ELL: variants seen among roughly 807,000 people sequenced by gnomAD.
ELL encodes the protein RNA polymerase II elongation factor ELL.
ELL carries 18 observed loss-of-function variants against 64.0 expected under a neutral mutation model. The ratio of observed to expected loss-of-function variants is 0.28; its 90% CI spans 0.19 to 0.42. The LOEUF is 0.42. Among genes scored for constraint, ELL ranks in the 10% least tolerant of loss-of-function variants. The probability of loss-of-function intolerance (pLI) is 1.00; values close to 1 mark genes in which losing one functional copy is unlikely to be tolerated. For missense variants in ELL, 797 were observed against 870.4 expected (o/e 0.92, Z 1.06); for synonymous variants, 399 against 376.2 (o/e 1.06, Z -0.70).
chr19:18,509,592 C>CGT (rs1975965271), intron 1 of ELL, among the ~76,000 whole-genome samples: 1 of 76,674 alleles, frequency 1.3e-5, no homozygotes, highest in South Asian at 4.0e-4. Context: ...TGCGCGCGCG[C>CGT]GCACATACAC....
chr19:18,451,006 G>A (rs1205089114), intron 7 of ELL, 31 bp from the exon 8 acceptor site: 14 of 1,498,966 alleles, frequency 9.3e-6, no homozygotes, highest in Middle Eastern at 1.8e-4. Context: ...TTTTAGAGGG[G>A]AGCACAGAGT....
chr19:18,451,119 C>A, intron 7 of ELL, 144 bp from the exon 8 acceptor site: 1 of 1,200,772 alleles, frequency 8.3e-7, no homozygotes, highest in Non-Finnish European at 1.1e-6. Context: ...CAAGTCAGGT[C>A]CCAGGTGCCG....
Position 18,458,274 on chromosome 19 carries a change from T to G in ELL, c.800A>C (p.Lys267Thr). 6.2e-7 allele frequency: 1 copy of G among 1,613,340 alleles called. No homozygotes were observed. Among genetic ancestry groups the G allele is most frequent in the Non-Finnish European group, 8.5e-7 (1 of 1,180,016 alleles). Residue 267 changes from lysine (K) to threonine (T), a missense_variant, in exon 6 of 12, where the codon AAG becomes ACG. By Grantham distance (78) the Lys-to-Thr change is moderately conservative. Coordinates refer to ENST00000262809, the MANE Select transcript of ELL (RefSeq NM_006532.4). Reference sequence around the variant, plus strand: ...GCCAGGCCAGTCCTTCTGCACATCCTTGTACATGCAGTCCTGCAGTGTACA... The same window carrying G: ...GCCAGGCCAGTCCTTCTGCACATCCGTGTACATGCAGTCCTGCAGTGTACA... ...GTCTLQDCMYKDVQKDWPGYS... is the reference protein window; with the variant it reads ...GTCTLQDCMYTDVQKDWPGYS...
chr19:18,461,807 G>T lies in ELL; in HGVS notation c.515C>A (p.Ala172Glu). Reference sequence around the variant, plus strand: ...GGTTGCCCGCTTCCGGGAGGGCACCGCGTCTGTTGCACCTGGGGCTGGTTT... The same window carrying T: ...GGTTGCCCGCTTCCGGGAGGGCACCTCGTCTGTTGCACCTGGGGCTGGTTT... ...FRKPAPGATDAVPSRKRATPI... is the reference protein window; with the variant it reads ...FRKPAPGATDEVPSRKRATPI... The change falls in exon 5 of 12, where the codon GCG becomes GAG. Residue 172 changes from alanine (A) to glutamate (E), a missense_variant. By Grantham distance (107) the Ala-to-Glu change is moderately radical (BLOSUM62 -1). Coordinates refer to ENST00000262809, the MANE Select transcript of ELL (RefSeq NM_006532.4). 1 of 1,614,024 alleles carries T rather than the reference G, an allele frequency of 6.2e-7. No individual in the cohort carries two copies. The highest frequency in any genetic ancestry group is 1.1e-5 in the South Asian group (1 of 91,084).
chr19:18,463,806 G>A (rs1025142597), intron 4 of ELL, among the ~76,000 whole-genome samples: 2 of 151,778 alleles, frequency 1.3e-5, no homozygotes, highest in Admixed American at 6.6e-5. Context: ...GTGAAACCCC[G>A]TCTCTATTAA....
rs1046169097 is a variant in ELL, at chr19:18,444,267, G to A, written c.*485C>T. Reference sequence around the variant, plus strand: ...TCAGAACGCAGCTGCACCTTTCGACGACCTCTGTAATACTGCAGGCAGGAC... The same window carrying A: ...TCAGAACGCAGCTGCACCTTTCGACAACCTCTGTAATACTGCAGGCAGGAC... On this transcript the variant is annotated 3_prime_UTR_variant, in exon 12 of 12. Coordinates refer to ENST00000262809, the MANE Select transcript of ELL (RefSeq NM_006532.4). The A allele has an allele frequency of 4.3e-6, 1 of 233,476 alleles. No individual in the cohort carries two copies. Among genetic ancestry groups the A allele is most frequent in the East Asian group, 6.1e-5 (1 of 16,450 alleles). The allele number at this position is 233,476 out of a possible 1,614,324, so 14.5% of individuals were successfully genotyped here. A position where few individuals can be genotyped will look rare whatever the true frequency, so the allele number is the denominator to read the frequency against.
chr19:18,471,578 G>A (rs368113612), intron 2 of ELL, among the ~76,000 whole-genome samples: 2 of 152,212 alleles, frequency 1.3e-5, no homozygotes, highest in South Asian at 4.1e-4. Context: ...TTAGGCAGGA[G>A]AATTACTTGA....
intron 1 of ELL, among the ~76,000 whole-genome samples, chr19:18,518,291 G>A (rs1163667005): frequency 6.7e-6 from 1 of 149,410 alleles, no homozygotes; most frequent in Non-Finnish European, 1.5e-5. Context: ...CTTGAGCCCC[G>A]GCGTTTGAAA....
chr19:18,478,708 G>A (rs563316863), intron 1 of ELL, among the ~76,000 whole-genome samples: 39 of 152,220 alleles, frequency 2.6e-4, no homozygotes, highest in Non-Finnish European at 3.8e-4. Context: ...GAGCTGTGCC[G>A]AGGCTGGTGC....
At chr19:18,465,742 T>C in intron 3 of ELL, 55 bp downstream of exon 3, 2 of 1,427,390 alleles carry the variant, frequency 1.4e-6, no homozygotes, top group Non-Finnish European at 1.8e-6. Context: ...GGGCCAGAGG[T>C]GGCAGGGTGA....
chr19:18,445,556 T>TG (rs1298781968), intron 10 of ELL, among the ~76,000 whole-genome samples: 19 of 8,468 alleles, frequency 2.2e-3, no homozygotes, highest in Middle Eastern at 0.05. Flanking sequence ...GGGGAGGGGG[T>TG]GGGGGGGTGC....
intron 1 of ELL, among the ~76,000 whole-genome samples, chr19:18,487,722 A>G (rs992459084): frequency 8.5e-5 from 13 of 152,252 alleles, no homozygotes; most frequent in Admixed American, 2.6e-4. Context: ...AGAATGAATC[A>G]GTCCCTTCAG....
intron 6 of ELL, among the ~76,000 whole-genome samples, chr19:18,453,149 C>A (rs1000684741): frequency 6.6e-6 from 1 of 152,208 alleles, no homozygotes; most frequent in Non-Finnish European, 1.5e-5. Flanking sequence ...TGGTGGGCAC[C>A]TGTAACCTCA....
intron 1 of ELL, among the ~76,000 whole-genome samples, chr19:18,499,198 C>A (rs1975728618): frequency 6.6e-6 from 1 of 152,146 alleles, no homozygotes; most frequent in African/African-American, 2.4e-5. Context: ...ACAGGAATGA[C>A]ACAAGGGCCA....
intron 1 of ELL, among the ~76,000 whole-genome samples, chr19:18,497,384 T>A (rs183569923): frequency 1.3e-5 from 2 of 151,764 alleles, no homozygotes; most frequent in Non-Finnish European, 2.9e-5. Context: ...AGGGGATGAG[T>A]AGGTAGAGCT....
Position 18,446,396 on chromosome 19 carries a change from C to T in ELL, c.1617G>A (p.Leu539=). ...GCGTGATGCGCTCAATGCGGGCGTG[C>T]AGGTCGCGGTACTCGCTGTACTCGG... ...FNAEYSEYRD[L]HARIERITRR... Residue 539 remains leucine, a synonymous_variant, in exon 10 of 12, where the codon CTG becomes CTA. Transcript: ENST00000262809. 6.2e-7 allele frequency: 1 copy of T among 1,611,942 alleles called. No homozygotes were observed. The highest frequency in any genetic ancestry group is 8.5e-7 in the Non-Finnish European group (1 of 1,179,728).
At chr19:18,458,411 T>TG in intron 5 of ELL, 82 bp from the exon 6 acceptor site, 1 of 1,552,886 alleles carries the variant, frequency 6.4e-7, no homozygotes, top group South Asian at 1.2e-5. Flanking sequence ...ATAGTGGGTT[T>TG]GGGAGGGTGT....
chr19:18,471,968 C>T (rs932853003), intron 2 of ELL, among the ~76,000 whole-genome samples: 1 of 146,498 alleles, frequency 6.8e-6, no homozygotes, highest in Admixed American at 6.8e-5. Flanking sequence ...TTTTCTTTTT[C>T]TTTTTTTTTT....
In ELL at chr19:18,444,696, T is replaced by C. The variant is rs2144882144; in HGVS notation, c.*56A>G. ...GGTTTATTTTTTTAAATAAATCCTCTCTCACCGCCTTTTGCTCCCCCGACC... is the reference window on the plus strand; with the variant it reads ...GGTTTATTTTTTTAAATAAATCCTCCCTCACCGCCTTTTGCTCCCCCGACC... On this transcript the variant is annotated 3_prime_UTR_variant, in exon 12 of 12. Transcript: ENST00000262809. 2 of 1,493,120 alleles carry C rather than the reference T, an allele frequency of 1.3e-6. No individual in the cohort carries two copies. Among genetic ancestry groups the C allele is most frequent in the East Asian group, 4.6e-5 (2 of 43,366 alleles). The allele number at this position is 1,493,120 out of a possible 1,614,324, so 92.5% of individuals were successfully genotyped here. A position where few individuals can be genotyped will look rare whatever the true frequency, so the allele number is the denominator to read the frequency against.
Sources: gnomAD v4.1 joint callset for allele counts (sites outside exome capture counted in the v4.1 genomes callset) on GRCh38, gnomAD v4.1.1 for gene constraint, MANE v1.5 for transcripts, NCBI Gene and HGNC (gene_info 2026-07-23, HGNC 2026-07-21) for gene names.